Variants in KCNG4 observed in about 807,000 individuals in gnomAD.
KCNG4 encodes voltage-gated potassium channel regulatory subunit KCNG4.
KCNG4 carries 30 observed loss-of-function variants against 28.2 expected under a neutral mutation model. That is an observed-to-expected ratio of 1.06 (90% confidence interval 0.80 to 1.44). The LOEUF is 1.44. Among genes scored for constraint, KCNG4 ranks in the 40% most tolerant of loss-of-function variants. The pLI is 0.00. For synonymous variants in KCNG4, 375 were observed against 315.5 expected (o/e 1.19, Z -2.00); for missense variants, 879 against 712.3 (o/e 1.23, Z -2.66).
At chr16:84,224,239 T>C (rs1230097250) in intron 2 of KCNG4, among the ~76,000 whole-genome samples, 1 of 152,128 alleles carries the variant, frequency 6.6e-6, no homozygotes, top group African/African-American at 2.4e-5. Context: ...TGGCTGCATG[T>C]TGGAATCACC....
chr16:84,234,611 G>A (rs1479638545), intron 2 of KCNG4, among the ~76,000 whole-genome samples: 1 of 152,224 alleles, frequency 6.6e-6, no homozygotes, highest in Non-Finnish European at 1.5e-5. Context: ...TTCTGTTTCT[G>A]ATGGAAGAGT....
At chr16:84,239,378 G>A (rs774532141) in intron 1 of KCNG4, among the ~76,000 whole-genome samples, 8 of 152,174 alleles carry the variant, frequency 5.3e-5, no homozygotes, top group South Asian at 2.1e-4. Context: ...CCCAGCGAGC[G>A]GAAGTAACTT....
chr16:84,218,859 AG>A lies in KCNG4; in HGVS notation c.*3357del, dbSNP rs1416587607. ...TTTTAGTGCTGGCACACTTTGGTGAAGAGGTCTGGTAGGTGAAGCAGAGGAG... is the reference window on the plus strand; with the variant it reads ...TTTTAGTGCTGGCACACTTTGGTGAAAGGTCTGGTAGGTGAAGCAGAGGAG... On this transcript the variant is annotated 3_prime_UTR_variant, in exon 3 of 3. Coordinates refer to ENST00000308251, the MANE Select transcript of KCNG4 (RefSeq NM_172347.3). 7.9e-5 allele frequency: 12 copies of A among 152,200 alleles called. No homozygotes were observed. Among genetic ancestry groups the A allele is most frequent in the Non-Finnish European group, 1.8e-4 (12 of 68,044 alleles). 9.4% of individuals were successfully genotyped at this position (152,200 alleles called of 1,614,324 possible).
intron 2 of KCNG4, among the ~76,000 whole-genome samples, chr16:84,233,163 T>TGACC (rs1440390826): frequency 6.6e-6 from 1 of 152,162 alleles, no homozygotes; most frequent in Non-Finnish European, 1.5e-5. Context: ...ATGCACCACA[T>TGACC]GACCCCTTGA....
chr16:84,239,196 C>T (rs1318831524), intron 1 of KCNG4, among the ~76,000 whole-genome samples: 3 of 151,838 alleles, frequency 2.0e-5, no homozygotes, highest in Non-Finnish European at 4.4e-5. Flanking sequence ...GAGAGTGAAT[C>T]GTAACCTATT....
Position 84,222,826 on chromosome 16 carries a change from C to T in KCNG4, c.951G>A (p.Pro317=), listed in dbSNP as rs770703354. ...YVSLAVSEEP[P]EDGERPSGSS... ...TCCCGCTCGGCCTCTCGCCGTCCTC[C>T]GGGGGCTCCTCAGACACCGCCAGCG... Residue 317 remains proline (P), a synonymous_variant, in exon 3 of 3, where the codon CCG becomes CCA. Transcript: ENST00000308251. 100 of 1,610,214 alleles carry T rather than the reference C, an allele frequency of 6.2e-5. No homozygotes were observed. Among genetic ancestry groups the T allele is most frequent in the South Asian group, 2.4e-4 (22 of 90,890 alleles).
intron 2 of KCNG4, among the ~76,000 whole-genome samples, chr16:84,227,029 T>A (rs1050903472): frequency 1.3e-5 from 2 of 151,350 alleles, no homozygotes; most frequent in African/African-American, 4.8e-5. Flanking sequence ...AAAAAAAGGA[T>A]AATCAAAAGC....
chr16:84,237,362 G>C lies in KCNG4; in HGVS notation c.124C>G (p.Arg42Gly), dbSNP rs777821730. The C allele has an allele frequency of 1.9e-6, 3 of 1,553,606 alleles. No individual in the cohort carries two copies. Among genetic ancestry groups the C allele is most frequent in the Non-Finnish European group, 1.7e-6 (2 of 1,151,588 alleles). The part of the protein sequence containing the change: ...ETPSIKGLYY[R>G]RVRKVGALDA... ...AGGGCACCCACCTTCCGCACCCTCCGGTAGTAAAGGCCCTTGATGGACGGC... is the reference window on the plus strand; with the variant it reads ...AGGGCACCCACCTTCCGCACCCTCCCGTAGTAAAGGCCCTTGATGGACGGC... The change falls in exon 2 of 3, where the codon CGG (arginine) becomes GGG (glycine). Residue 42 changes from arginine to glycine, a missense_variant. By Grantham distance (125) the Arg-to-Gly change is moderately radical (BLOSUM62 -2). Transcript: ENST00000308251.
chr16:84,236,649 C>T, intron 2 of KCNG4, 81 bp downstream of exon 2: 5 of 1,374,526 alleles, frequency 3.6e-6, no homozygotes, highest in Non-Finnish European at 2.9e-6. Context: ...GATCTGAAGA[C>T]ATTTTCTTGG....
chr16:84,223,046 G>T (rs753824990), intron 2 of KCNG4, 26 bp from the exon 3 acceptor site: 2 of 1,499,950 alleles, frequency 1.3e-6, no homozygotes, highest in South Asian at 1.4e-5. Flanking sequence ...GCAACAACGC[G>T]GGGTAGAGAG....
rs1221705814 is a variant in KCNG4 at position 84,236,910 on chromosome 16, G to A, written c.576C>T (p.Arg192=). 18 of 1,613,388 alleles carry A rather than the reference G, an allele frequency of 1.1e-5. No homozygotes were observed. Among genetic ancestry groups the A allele is most frequent in the Non-Finnish European group, 1.5e-5 (18 of 1,180,010 alleles). The change falls in exon 2 of 3, where the codon CGC becomes CGT. Residue 192 remains arginine, a synonymous_variant. Coordinates refer to ENST00000308251, the MANE Select transcript of KCNG4 (RefSeq NM_172347.3). ...CCCAGCGCGAGGAGTGCGAGGCGGG[G>A]CGGCGGGTCTCCCTCTGCTGCCTCA... ...DVLRQQRETR[R]PASHSSRWGL... is the part of the protein sequence containing the mutation.
In KCNG4 at chr16:84,222,261, C is replaced by T. The variant is rs1401996345; in HGVS notation, c.1516G>A (p.Asp506Asn). 1 of 1,614,036 alleles carries T rather than the reference C, an allele frequency of 6.2e-7. No individual in the cohort carries two copies. Among genetic ancestry groups the T allele is most frequent in the African/African-American group, 1.3e-5 (1 of 74,908 alleles). The change falls in exon 3 of 3, where the codon GAC becomes AAC. Residue 506 changes from aspartate to asparagine, a missense_variant. Coordinates refer to ENST00000308251, the MANE Select transcript of KCNG4 (RefSeq NM_172347.3). ...SEHELMNDVN[D>N]LILEGPALPI... ...AAGGCTGGGCCCTCCAGGATTAGGT[C>T]ATTGACATCGTTCATGAGCTCATGT...
At position 84,222,896 on chromosome 16, in the gene KCNG4, G is replaced by A. The variant is rs185484951; in HGVS notation, c.881C>T (p.Pro294Leu). 4.3e-6 allele frequency: 7 copies of A among 1,611,890 alleles called. No individual in the cohort carries two copies. The Admixed American group carries it at 1.2e-4, about 27-fold the overall frequency. The change falls in exon 3 of 3, where the codon CCC becomes CTC. Residue 294 changes from proline to leucine, a missense_variant. Physicochemically the swap from Pro to Leu is moderately conservative, Grantham distance 98 (BLOSUM62 -3). Coordinates refer to ENST00000308251, the MANE Select transcript of KCNG4 (RefSeq NM_172347.3). Reference protein sequence around the residue: ...AQDKCQFFQGPLNIIDILAIS... With the variant: ...AQDKCQFFQGLLNIIDILAIS... ...GGCCAGGATGTCGATGATGTTCAGG[G>A]GCCCCTGGAAGAACTGACACTTGTC...
chr16:84,235,480 A>G (rs1044431112), intron 2 of KCNG4: 5 of 152,198 alleles, frequency 3.3e-5, no homozygotes, highest in Non-Finnish European at 5.9e-5. Flanking sequence ...CATCTTCTCC[A>G]TGGGAAAACA....
In KCNG4 at chr16:84,226,180, C is replaced by T. The variant is rs922207299; in HGVS notation, c.757-3160G>A. On this transcript the variant is annotated intron_variant, in intron 2 of 2. Transcript: ENST00000308251. This position sits in a 1 kb window ranked among gnomAD's most constrained non-coding sequence, Gnocchi z 4.1. ...CCTTCCTGCAATGAAGAAGAGCAAGCGTCAGCCTGGAGAAGGCCCAGGGTG... is the reference window on the plus strand; with the variant it reads ...CCTTCCTGCAATGAAGAAGAGCAAGTGTCAGCCTGGAGAAGGCCCAGGGTG... Among the ~76,000 whole-genome samples the T allele has an allele frequency of 6.6e-5, 10 of 152,264 alleles. No individual in the cohort carries two copies. Among genetic ancestry groups the T allele is most frequent in the South Asian group, 2.1e-4 (1 of 4,826 alleles).
chr16:84,238,719 T>G (rs529842215), intron 1 of KCNG4, among the ~76,000 whole-genome samples: 97 of 152,132 alleles, frequency 6.4e-4, no homozygotes, highest in African/African-American at 2.2e-3. Context: ...AATACAAAAA[T>G]TAGCTAGGCA....
chr16:84,238,378 G>T (rs1294711199), intron 1 of KCNG4, among the ~76,000 whole-genome samples: 1 of 152,218 alleles, frequency 6.6e-6, no homozygotes, highest in Non-Finnish European at 1.5e-5. Context: ...CTAGGTCTCA[G>T]GAGGAACTCC....
At chr16:84,229,021 G>T (rs1366050037) in intron 2 of KCNG4, among the ~76,000 whole-genome samples, 4 of 151,958 alleles carry the variant, frequency 2.6e-5, no homozygotes, top group Admixed American at 2.6e-4. Context: ...CCACTGGGCT[G>T]GGCATGGTGG....
intron 1 of KCNG4, among the ~76,000 whole-genome samples, chr16:84,239,078 C>T (rs1214187311): frequency 3.3e-5 from 5 of 152,168 alleles, no homozygotes; most frequent in Non-Finnish European, 7.3e-5. Context: ...CATCTATAAG[C>T]TTACATTTTC....
Sources: gnomAD v4.1 joint callset for allele counts (sites outside exome capture counted in the v4.1 genomes callset) on GRCh38, gnomAD v4.1.1 for gene constraint, Gnocchi (gnomAD v3.1) non-coding constraint, MANE v1.5 for transcripts, NCBI Gene and HGNC (gene_info 2026-07-23, HGNC 2026-07-21) for gene names.